Variants in SLC24A4 observed in about 807,000 individuals in gnomAD.
The protein encoded by SLC24A4 is solute carrier family 24 member 4.
A neutral mutation model predicts 79.0 loss-of-function variants in SLC24A4; 53 were observed. That is an observed-to-expected ratio of 0.67 (90% CI 0.54 to 0.84). The LOEUF is 0.84. Ranked by LOEUF, SLC24A4 falls within the 40% of genes least tolerant of loss-of-function variation. The pLI is 0.00. For synonymous variants in SLC24A4, 323 were observed against 323.8 expected (o/e 1.00, Z 0.03); for missense variants, 731 against 822.0 (o/e 0.89, Z 1.35).
chr14:92,443,517 C>T (rs759078005), intron 7 of SLC24A4, 43 bp downstream of exon 7: 2 of 1,600,348 alleles, frequency 1.2e-6, no homozygotes, highest in South Asian at 1.1e-5. Context: ...GGCTGGGACC[C>T]TGCGAAGGCA....
rs180959829 is a variant in SLC24A4 at position 92,489,685 on chromosome 14, G to T, written c.1538-1980G>T. ...AATCTGCATTTTCACAAGACCCCCA[G>T]GTGATTCCTGTTCTCACTAAAATTT... is the stretch of plus-strand genomic sequence containing the variant. On this transcript the variant is annotated intron_variant, in intron 14 of 16. Transcript: ENST00000532405. Among the ~76,000 whole-genome samples the T allele has an allele frequency of 3.5e-4, 54 of 152,144 alleles. No individual in the cohort carries two copies. The East Asian group carries it at 0.01, about 29-fold the overall frequency.
intron 12 of SLC24A4, among the ~76,000 whole-genome samples, chr14:92,461,040 G>A (rs932847514): frequency 1.3e-5 from 2 of 152,196 alleles, no homozygotes; most frequent in South Asian, 2.1e-4. Context: ...GGAAACCATG[G>A]TCTGCAGTGC....
chr14:92,435,848 A>G (rs749036359), intron 3 of SLC24A4, among the ~76,000 whole-genome samples: 2 of 151,784 alleles, frequency 1.3e-5, no homozygotes, highest in Admixed American at 6.6e-5. Context: ...CTGGCTTTAC[A>G]CTCCTCCCCT....
Position 92,482,793 on chromosome 14 carries a change from T to G in SLC24A4, c.1369T>G (p.Phe457Val). 1 of 1,614,058 alleles carries G rather than the reference T, an allele frequency of 6.2e-7. No individual in the cohort carries two copies. The highest frequency in any genetic ancestry group is 1.3e-5 in the African/African-American group (1 of 75,044). The change falls in exon 13 of 17, where the codon TTC becomes GTC. Residue 457 changes from phenylalanine to valine, a missense_variant. By Grantham distance (50) the Phe-to-Val change is conservative (BLOSUM62 -1). Coordinates refer to ENST00000532405, the MANE Select transcript of SLC24A4 (RefSeq NM_153646.4). ...PRWEKFFMVT[F>V]ITATLWIAVF... ...CTGGGAGAAGTTCTTCATGGTCACC[T>G]TCATCACCGCCACGCTGTGGATCGC...
intron 6 of SLC24A4, 85 bp downstream of exon 6, chr14:92,442,901 G>A (rs1277723593): frequency 1.3e-5 from 15 of 1,150,126 alleles, no homozygotes; most frequent in Non-Finnish European, 1.9e-5. Context: ...TGGGGTAGCA[G>A]TGGGGACGCC....
chr14:92,370,859 C>G (rs1457819569), intron 2 of SLC24A4, among the ~76,000 whole-genome samples: 1 of 152,158 alleles, frequency 6.6e-6, no homozygotes, highest in African/African-American at 2.4e-5. Context: ...AAAGAGGTCA[C>G]ATACAAAGGA....
Position 92,495,218 on chromosome 14 carries a change from G to A in SLC24A4, c.*1590G>A, listed in dbSNP as rs1241811470. 6.6e-6 allele frequency: 1 copy of A among 152,426 alleles called. No homozygotes were observed. Among genetic ancestry groups the A allele is most frequent in the Non-Finnish European group, 1.5e-5 (1 of 68,038 alleles). The allele number at this position is 152,426 out of a possible 1,614,324, so 9.4% of individuals were successfully genotyped here. The stretch of plus-strand genomic sequence containing the variant: ...GACGCTGGTTGGAATTTCTGACTGT[G>A]CCCTTTAGGGCCTCCTGAGTTTCAA... On this transcript the variant is annotated 3_prime_UTR_variant, in exon 17 of 17. Coordinates refer to ENST00000532405, the MANE Select transcript of SLC24A4 (RefSeq NM_153646.4).
intron 2 of SLC24A4, among the ~76,000 whole-genome samples, chr14:92,432,791 T>C (rs1293923955): frequency 1.3e-5 from 2 of 152,152 alleles, no homozygotes; most frequent in Non-Finnish European, 2.9e-5. Context: ...TCAGAAAAAT[T>C]TCCATATAAG....
intron 2 of SLC24A4, among the ~76,000 whole-genome samples, chr14:92,387,852 A>G (rs1889252588): frequency 6.6e-6 from 1 of 152,188 alleles, no homozygotes; most frequent in Non-Finnish European, 1.5e-5. Flanking sequence ...AGCATGAGTC[A>G]CCCATGTTGT....
intron 2 of SLC24A4, among the ~76,000 whole-genome samples, chr14:92,345,425 G>A (rs1012126581): frequency 1.3e-5 from 2 of 152,220 alleles, no homozygotes; most frequent in Admixed American, 6.5e-5. Flanking sequence ...TACAGGCCAG[G>A]TGTAGTGGCT....
chr14:92,325,624 C>T (rs1885083440), intron 1 of SLC24A4, among the ~76,000 whole-genome samples: 1 of 152,194 alleles, frequency 6.6e-6, no homozygotes, highest in Admixed American at 6.5e-5. Context: ...CCACCTCAGT[C>T]TTGGCCAAGG....
chr14:92,337,366 A>G (rs561136468), intron 2 of SLC24A4, among the ~76,000 whole-genome samples: 1 of 152,336 alleles, frequency 6.6e-6, no homozygotes, highest in East Asian at 1.9e-4. Context: ...AGGTGAGACC[A>G]GAGTCAGGCA....
chr14:92,493,353 G>C, intron 16 of SLC24A4, 123 bp from the exon 17 acceptor site: 1 of 1,207,148 alleles, frequency 8.3e-7, no homozygotes. Context: ...GCAGCACCCC[G>C]CTACACTTGC....
chr14:92,340,436 C>T (rs147784347), intron 2 of SLC24A4, among the ~76,000 whole-genome samples: 94 of 152,326 alleles, frequency 6.2e-4, no homozygotes, highest in African/African-American at 2.1e-3. Flanking sequence ...GAGGGTGGGA[C>T]GTTGCTGGCA....
chr14:92,408,368 G>C, intron 2 of SLC24A4: 2 of 985,234 alleles, frequency 2.0e-6, no homozygotes, highest in Non-Finnish European at 2.4e-6. Flanking sequence ...GACCATCCCA[G>C]AATAGCAAGC....
intron 2 of SLC24A4, among the ~76,000 whole-genome samples, chr14:92,403,511 G>A (rs1890219420): frequency 1.3e-5 from 2 of 151,924 alleles, no homozygotes; most frequent in South Asian, 4.2e-4. Flanking sequence ...AGGAGGCTGA[G>A]GCAGGAGAAT....
At chr14:92,488,049 TCTC>T (rs371616460) in intron 14 of SLC24A4, among the ~76,000 whole-genome samples, 12 of 146,410 alleles carry the variant, frequency 8.2e-5, no homozygotes, top group South Asian at 4.3e-4. Flanking sequence ...CTTCCATCCT[TCTC>T]CTCCTCCTCC....
intron 2 of SLC24A4, among the ~76,000 whole-genome samples, chr14:92,425,063 C>A (rs1252864237): frequency 6.6e-6 from 1 of 152,126 alleles, no homozygotes; most frequent in African/African-American, 2.4e-5. Context: ...AGGGAACAAA[C>A]ATCAAACTAT....
At chr14:92,462,524 A>G (rs184429372) in intron 12 of SLC24A4, 2 of 152,336 alleles carry the variant, frequency 1.3e-5, no homozygotes, top group Admixed American at 1.3e-4. Context: ...CAGCCTCCCG[A>G]GTAGCTGGGA....
Sources: allele counts gnomAD v4.1 joint callset (sites outside exome capture counted in the v4.1 genomes callset), GRCh38; gene constraint gnomAD v4.1.1; transcripts MANE v1.5; gene names NCBI Gene and HGNC (gene_info 2026-07-23, HGNC 2026-07-21).